Variants in MTRR observed in about 807,000 individuals in gnomAD.
MTRR encodes 5-methyltetrahydrofolate-homocysteine methyltransferase reductase, also known as methionine synthase reductase.
MTRR carries 63 observed loss-of-function variants against 79.2 expected under a neutral mutation model. The ratio of observed to expected loss-of-function variants is 0.80; its 90% CI spans 0.65 to 0.98. The LOEUF (loss-of-function observed/expected upper bound fraction) is 0.98, where lower values mean the gene tolerates loss of function less well. Ranked by LOEUF, MTRR falls within the 50% of genes least tolerant of loss-of-function variation. The probability of loss-of-function intolerance (pLI) is 0.00; values close to 1 mark genes in which losing one functional copy is unlikely to be tolerated. For missense variants in MTRR, 895 were observed against 839.6 expected (o/e 1.07, Z -0.82); for synonymous variants, 355 against 313.3 (o/e 1.13, Z -1.41).
upstream of MTRR, chr5:7,866,593 T>G: frequency 7.5e-7 from 1 of 1,338,526 alleles, no homozygotes; most frequent in Non-Finnish European, 1.0e-6. Flanking sequence ...TTGAAACCAC[T>G]GCCAGTTCAA....
rs1736495202 is a variant in MTRR, at chr5:7,886,649, TTC to T, written c.1097_1098del (p.Leu366ProfsTer9). The T allele has an allele frequency of 6.2e-7, 1 of 1,610,102 alleles. No individual in the cohort carries two copies. The highest frequency in any genetic ancestry group is 8.5e-7 in the Non-Finnish European group (1 of 1,176,814). On this transcript the variant is annotated frameshift_variant, in exon 8 of 15. Coordinates refer to ENST00000440940, the MANE Select transcript of MTRR (RefSeq NM_002454.3). LOFTEE classifies it high-confidence loss of function. The stretch of plus-strand genomic sequence containing the variant: ...TACCCCAGCATATACCTGCGGGATG[TTC>T]TCTCCAGTTCATTTTTACCTGGTGT... ...TLPQHIPAGC[S>X]LQFIFTWCLE...
rs374726994 is a variant in MTRR at position 7,873,594 on chromosome 5, T to TC, written c.283+69dup. Reference sequence around the variant, plus strand: ...ATATCTCTGGTATCTGAATTATCTTTCAGAACTATGAAGTGTGATCATATA... The same window carrying TC: ...ATATCTCTGGTATCTGAATTATCTTTCCAGAACTATGAAGTGTGATCATATA... On this transcript the variant is annotated intron_variant, in intron 3 of 14. Coordinates refer to ENST00000440940, the MANE Select transcript of MTRR (RefSeq NM_002454.3). 418 of 1,563,776 alleles carry TC rather than the reference T, an allele frequency of 2.7e-4. 1 individual carries two copies. Among genetic ancestry groups the TC allele is most frequent in the Non-Finnish European group, 3.6e-4 (403 of 1,134,396 alleles).
chr5:7,885,908 T>G, intron 7 of MTRR, 54 bp downstream of exon 7: 1 of 1,610,484 alleles, frequency 6.2e-7, no homozygotes, highest in Non-Finnish European at 8.5e-7. Context: ...GGACTGGAGC[T>G]GATGGTGAGA....
At chr5:7,855,897 C>T (rs1746232598) in intron 1 of MTRR, among the ~76,000 whole-genome samples, 1 of 152,010 alleles carries the variant, frequency 6.6e-6, no homozygotes, top group Non-Finnish European at 1.5e-5. Context: ...TTGATGGAGC[C>T]CAACAGGGGG....
upstream of MTRR, chr5:7,868,894 G>A (rs1196956012): frequency 1.4e-5 from 8 of 584,026 alleles, no homozygotes; most frequent in Non-Finnish European, 2.2e-5. Flanking sequence ...GACACGGGCC[G>A]GGCGGCGCAG....
chr5:7,861,326 AT>A, intron 1 of MTRR: 1 of 955,810 alleles, frequency 1.0e-6, no homozygotes, highest in Non-Finnish European at 1.5e-6. Flanking sequence ...TTTATTATAT[AT>A]TTTAGTTGCC....
chr5:7,878,172 T>G lies in MTRR; in HGVS notation c.630T>G (p.Asn210Lys). ...AGGATTCTGAGGTTTTGAAGCAAAA[T>G]GCAGTGAACAGCAACCAATCCAATG... The part of the protein sequence containing the change: ...GRKDSEVLKQ[N>K]AVNSNQSNVV... Residue 210 changes from asparagine to lysine, a missense_variant, in exon 5 of 15, where the codon AAT becomes AAG. Physicochemically the swap from Asn to Lys is moderately conservative, Grantham distance 94. Coordinates refer to ENST00000440940, the MANE Select transcript of MTRR (RefSeq NM_002454.3). The G allele has an allele frequency of 6.2e-7, 1 of 1,614,148 alleles. No individual in the cohort carries two copies. The highest frequency in any genetic ancestry group is 2.2e-5 in the East Asian group (1 of 44,876).
rs768034431 is a variant in MTRR, at chr5:7,869,197, C to G, written c.-44C>G. ...GGAAGTCGCGTTGTGCAGGTTCGTG[C>G]CCGGCTGGCGCGGCGTGGGTAAGCT... On this transcript the variant is annotated 5_prime_UTR_variant, in exon 1 of 15. Coordinates refer to ENST00000440940, the MANE Select transcript of MTRR (RefSeq NM_002454.3). 1 of 1,609,490 alleles carries G rather than the reference C, an allele frequency of 6.2e-7. No homozygotes were observed. Among genetic ancestry groups the G allele is most frequent in the Non-Finnish European group, 8.5e-7 (1 of 1,179,800 alleles).
At chr5:7,851,203 G>C in exon 1 of MTRR, 3 of 623,812 alleles carry the variant, frequency 4.8e-6, no homozygotes, top group South Asian at 8.6e-5. Context: ...CCGCTCCAGG[G>C]TGGAGCGACC....
At chr5:7,880,770 C>T (rs1735448468) in intron 5 of MTRR, among the ~76,000 whole-genome samples, 3 of 152,166 alleles carry the variant, frequency 2.0e-5, no homozygotes, top group African/African-American at 7.2e-5. Flanking sequence ...TGCTGAGTGG[C>T]CACTGGAGGT....
chr5:7,891,061 T>A (rs942922302), intron 9 of MTRR, among the ~76,000 whole-genome samples: 2 of 152,018 alleles, frequency 1.3e-5, no homozygotes, highest in African/African-American at 2.4e-5. Flanking sequence ...TTTGCTGAGC[T>A]CCTCACCTCT....
At chr5:7,866,617 C>T, upstream of MTRR, 1 of 1,508,380 alleles carries the variant, frequency 6.6e-7, no homozygotes, top group East Asian at 2.3e-5. Context: ...TTACTTTTTT[C>T]CAACTGTCAG....
chr5:7,878,451 C>A, intron 5 of MTRR, 129 bp downstream of exon 5: 1 of 1,208,902 alleles, frequency 8.3e-7, no homozygotes. Context: ...TGGCCCAGAG[C>A]CTTTCTTTTG....
chr5:7,859,544 A>T, intron 1 of MTRR: 1 of 1,548,586 alleles, frequency 6.5e-7, no homozygotes, highest in Non-Finnish European at 8.8e-7. Context: ...GGGGATCTGT[A>T]AAGGTAGAAA....
rs754025136 is a variant in MTRR at position 7,869,173 on chromosome 5, G to A, written c.-68G>A. 6.2e-6 allele frequency: 10 copies of A among 1,612,238 alleles called. No homozygotes were observed. Among genetic ancestry groups the A allele is most frequent in the South Asian group, 5.5e-5 (5 of 91,086 alleles). ...AGTGCGCGCTGGCGCAAGGTTGGTG[G>A]AAGTCGCGTTGTGCAGGTTCGTGCC... On this transcript the variant is annotated 5_prime_UTR_variant, in exon 1 of 15. Transcript: ENST00000440940.
chr5:7,890,329 C>T, intron 9 of MTRR: 1 of 985,260 alleles, frequency 1.0e-6, no homozygotes. Context: ...CTCTTCTCAC[C>T]ATCCTGTCCT....
chr5:7,873,452 G>A lies in MTRR; in HGVS notation c.209G>A (p.Arg70His), dbSNP rs777202031. ...ACCGGAGACCCACCCGACACAGCCCGCAAGTTTGTTAAGGAAATACAGAAC... is the reference window on the plus strand; with the variant it reads ...ACCGGAGACCCACCCGACACAGCCCACAAGTTTGTTAAGGAAATACAGAAC... ...TGTGDPPDTA[R>H]KFVKEIQNQT... Residue 70 changes from arginine to histidine, a missense_variant, in exon 3 of 15, where the codon CGC (arginine) becomes CAC (histidine). By Grantham distance (29) the Arg-to-His change is conservative. Coordinates refer to ENST00000440940, the MANE Select transcript of MTRR (RefSeq NM_002454.3). The A allele has an allele frequency of 5.2e-5, 84 of 1,613,968 alleles. 2 individuals are homozygous for A. The Middle Eastern group carries it at 1.6e-3, about 32-fold the overall frequency.
At chr5:7,895,031 A>G (rs1738270041) in intron 11 of MTRR, among the ~76,000 whole-genome samples, 1 of 152,220 alleles carries the variant, frequency 6.6e-6, no homozygotes, top group Non-Finnish European at 1.5e-5. Flanking sequence ...TCCTTGAGTT[A>G]AAAGTTAAAA....
In MTRR at chr5:7,889,385, A is replaced by G. The variant is rs578021899; in HGVS notation, c.1327+110A>G. The stretch of plus-strand genomic sequence containing the variant: ...GCTCTTGTCTTACCCTTTGTATCCT[A>G]TGCCTAAAGAATATATCTAAATGAA... On this transcript the variant is annotated intron_variant, in intron 9 of 14. Transcript: ENST00000440940. 8 of 1,127,072 alleles carry G rather than the reference A, an allele frequency of 7.1e-6. No individual in the cohort carries two copies. The East Asian group carries it at 7.4e-5, about 10-fold the overall frequency. 69.8% of individuals were successfully genotyped at this position (1,127,072 alleles called of 1,614,324 possible).
Sources: gnomAD v4.1 joint callset for allele counts (sites outside exome capture counted in the v4.1 genomes callset) on GRCh38, gnomAD v4.1.1 for gene constraint, MANE v1.5 for transcripts, NCBI Gene and HGNC (gene_info 2026-07-23, HGNC 2026-07-21) for gene names.